Variants in FTO observed in about 807,000 individuals in gnomAD.
The protein encoded by FTO is FTO alpha-ketoglutarate dependent dioxygenase.
FTO carries 47 observed loss-of-function variants against 63.9 expected under a neutral mutation model. The ratio of observed to expected loss-of-function variants is 0.74; its 90% CI spans 0.58 to 0.94. The LOEUF is 0.94. Among genes scored for constraint, FTO ranks in the 40% least tolerant of loss-of-function variants. The pLI, the probability that FTO is intolerant of heterozygous loss-of-function variation, is 0.00. For missense variants in FTO, 562 were observed against 618.1 expected (o/e 0.91, Z 0.96); for synonymous variants, 207 against 224.4 (o/e 0.92, Z 0.69).
chr16:53,742,244 A>G (rs1321790797), intron 1 of FTO, among the ~76,000 whole-genome samples: 1 of 152,128 alleles, frequency 6.6e-6, no homozygotes, highest in East Asian at 1.9e-4. Context: ...GTTTCATTTA[A>G]ATGTGGTGGG....
intron 7 of FTO, among the ~76,000 whole-genome samples, chr16:53,924,270 A>G (rs1190487731): frequency 6.6e-6 from 1 of 152,118 alleles, no homozygotes; most frequent in Non-Finnish European, 1.5e-5. Context: ...ATACCCCTTT[A>G]TGGATGAGGA....
At chr16:53,846,644 A>G (rs928368087) in intron 4 of FTO, among the ~76,000 whole-genome samples, 2 of 151,984 alleles carry the variant, frequency 1.3e-5, no homozygotes, top group Non-Finnish European at 1.5e-5. Context: ...CTCCACTAAA[A>G]ATAAAAAATT....
chr16:53,858,595 G>C (rs753752690), intron 4 of FTO, among the ~76,000 whole-genome samples: 1 of 152,088 alleles, frequency 6.6e-6, no homozygotes, highest in Non-Finnish European at 1.5e-5. Context: ...TGCTCAGTTT[G>C]TTGATGGGTT....
Position 53,826,341 on chromosome 16 carries a change from G to A in FTO, c.601G>A (p.Val201Ile), listed in dbSNP as rs150450891. 882 of 1,614,164 alleles carry A rather than the reference G, an allele frequency of 5.5e-4. 3 individuals carry two copies. Among genetic ancestry groups the A allele is most frequent in the Non-Finnish European group, 7.0e-4 (826 of 1,180,034 alleles). Reference sequence around the variant, plus strand: ...CATTAAGAGCAGAGCAGCATACAACGTAACTTTGCTGAATTTCATGGATCC... The same window carrying A: ...CATTAAGAGCAGAGCAGCATACAACATAACTTTGCTGAATTTCATGGATCC... ...VDIKSRAAYN[V>I]TLLNFMDPQK... The change falls in exon 3 of 9, where the codon GTA (valine) becomes ATA (isoleucine). Residue 201 changes from valine to isoleucine, a missense_variant. By Grantham distance (29) the Val-to-Ile change is conservative. Coordinates refer to ENST00000471389, the MANE Select transcript of FTO (RefSeq NM_001080432.3).
intron 8 of FTO, chr16:53,994,271 A>T (rs1263857355): frequency 1.3e-5 from 2 of 152,022 alleles, no homozygotes; most frequent in African/African-American, 2.4e-5. Flanking sequence ...TGCATCTCTT[A>T]AACTTTATAT....
intron 8 of FTO, chr16:54,061,742 C>T (rs2085582387): frequency 6.6e-6 from 1 of 152,182 alleles, no homozygotes; most frequent in South Asian, 2.1e-4. Context: ...GTCTTGTTGA[C>T]TATCTATTTT....
intron 1 of FTO, among the ~76,000 whole-genome samples, chr16:53,795,943 A>AT (rs1170981155): frequency 1.3e-5 from 2 of 152,290 alleles, no homozygotes; most frequent in East Asian, 3.9e-4. Context: ...AGACCAAGAG[A>AT]GTTACCATCC....
At chr16:53,879,773 A>C (rs2080771573) in intron 5 of FTO, 71 bp from the exon 6 acceptor site, 3 of 1,578,586 alleles carry the variant, frequency 1.9e-6, no homozygotes, top group Non-Finnish European at 2.6e-6. Flanking sequence ...AAATATGAAC[A>C]ATCCTAGGAA....
intron 8 of FTO, among the ~76,000 whole-genome samples, chr16:54,077,418 G>GTATAGGTGGT (rs2086026384): frequency 1.3e-5 from 2 of 152,136 alleles, no homozygotes; most frequent in Non-Finnish European, 2.9e-5. Flanking sequence ...TATTGGTGAG[G>GTATAGGTGGT]CTTGGCTGTC....
Position 54,116,938 on chromosome 16 carries a change from C to G in FTO, c.*5023C>G, listed in dbSNP as rs1269616746. On this transcript the variant is annotated 3_prime_UTR_variant, in exon 9 of 9. Coordinates refer to ENST00000471389, the MANE Select transcript of FTO (RefSeq NM_001080432.3). ...CTGTGTCCCATCGGCCCCATGCTCC[C>G]AGGACAGTCCTAATTCCCACCTCTC... The G allele has an allele frequency of 6.6e-6, 1 of 152,266 alleles. No homozygotes were observed. The highest frequency in any genetic ancestry group is 1.9e-4 in the East Asian group (1 of 5,190). 9.4% of individuals were successfully genotyped at this position (152,266 alleles called of 1,614,324 possible).
chr16:53,939,590 C>A (rs1475589820), intron 8 of FTO, among the ~76,000 whole-genome samples: 1 of 152,098 alleles, frequency 6.6e-6, no homozygotes, highest in Non-Finnish European at 1.5e-5. Flanking sequence ...GAAATGAAAC[C>A]CGGCATCTGT....
intron 1 of FTO, among the ~76,000 whole-genome samples, chr16:53,785,638 G>A (rs146334607): frequency 2.0e-5 from 3 of 152,260 alleles, no homozygotes; most frequent in East Asian, 3.9e-4. Flanking sequence ...ATAGCTGGGC[G>A]CGGTGGCTCA....
intron 3 of FTO, among the ~76,000 whole-genome samples, chr16:53,833,310 T>C (rs750965000): frequency 1.3e-5 from 2 of 152,214 alleles, no homozygotes; most frequent in African/African-American, 2.4e-5. Context: ...GAAAACAAAC[T>C]AATACAACTA....
At chr16:53,860,646 G>A (rs1291031337) in intron 4 of FTO, among the ~76,000 whole-genome samples, 1 of 152,026 alleles carries the variant, frequency 6.6e-6, no homozygotes, top group African/African-American at 2.4e-5. Flanking sequence ...TAAACCACCT[G>A]ATCTTGTGAG....
At chr16:53,912,802 T>G (rs1316075753) in intron 7 of FTO, among the ~76,000 whole-genome samples, 1 of 152,238 alleles carries the variant, frequency 6.6e-6, no homozygotes, top group Non-Finnish European at 1.5e-5. Context: ...TTAAGTCTGA[T>G]ACGCCATCCA....
At chr16:54,094,158 T>C (rs2086459364) in intron 8 of FTO, among the ~76,000 whole-genome samples, 1 of 152,152 alleles carries the variant, frequency 6.6e-6, no homozygotes, top group East Asian at 1.9e-4. Flanking sequence ...AATAAATAGA[T>C]AATGGCCTGT....
At chr16:54,064,175 C>A (rs556153280) in intron 8 of FTO, among the ~76,000 whole-genome samples, 7 of 152,200 alleles carry the variant, frequency 4.6e-5, no homozygotes, top group Admixed American at 3.9e-4. Flanking sequence ...ACTATTATCA[C>A]CACTGTTGCT....
chr16:54,014,100 G>A (rs2084384339), intron 8 of FTO, among the ~76,000 whole-genome samples: 1 of 152,136 alleles, frequency 6.6e-6, no homozygotes, highest in South Asian at 2.1e-4. Flanking sequence ...TCCTTTGCTA[G>A]TGATATATGC....
At chr16:53,889,617 G>A (rs9934053) in intron 7 of FTO, among the ~76,000 whole-genome samples, 4,681 of 152,252 alleles carry the variant, frequency 0.031, 246 homozygotes, top group African/African-American at 0.11. Context: ...GGATGGTGGT[G>A]AAATGGCAGA....
Sources: gnomAD v4.1 joint callset for allele counts (sites outside exome capture counted in the v4.1 genomes callset) on GRCh38, gnomAD v4.1.1 for gene constraint, MANE v1.5 for transcripts, NCBI Gene and HGNC (gene_info 2026-07-23, HGNC 2026-07-21) for gene names.